Variants in ODAD2 observed in about 807,000 individuals in gnomAD.
ODAD2 encodes outer dynein arm docking complex subunit 2, also known as outer dynein arm-docking complex subunit 2.
Under a neutral mutation model 106.8 loss-of-function variants are expected in ODAD2, and 89 were observed. That is an observed-to-expected ratio of 0.83 (90% CI 0.70 to 0.99). The LOEUF (loss-of-function observed/expected upper bound fraction) is 0.99, where lower values mean the gene tolerates loss of function less well. Ranked by LOEUF, ODAD2 falls within the 50% of genes least tolerant of loss-of-function variation. The pLI is 0.00. For synonymous variants in ODAD2, 404 were observed against 436.2 expected (o/e 0.93, Z 0.92); for missense variants, 1,168 against 1,238.5 (o/e 0.94, Z 0.85).
In ODAD2 at chr10:27,981,523, G is replaced by A; in HGVS notation, c.879C>T (p.Asn293=). The A allele has an allele frequency of 6.5e-7, 1 of 1,536,358 alleles. No homozygotes were observed. The highest frequency in any genetic ancestry group is 8.7e-7 in the Non-Finnish European group (1 of 1,154,336). Residue 293 remains asparagine, a synonymous_variant, in exon 7 of 20, where the codon AAC becomes AAT. Transcript: ENST00000305242. ...NYERKGSIYK[N]LVTFLREKSP... ...ATTTTTCTCTTAAAAATGTGACAAGGTTTTTATAAATTGAACCTTTTCTCT... is the reference window on the plus strand; with the variant it reads ...ATTTTTCTCTTAAAAATGTGACAAGATTTTTATAAATTGAACCTTTTCTCT...
Position 27,941,837 on chromosome 10 carries a change from A to T in ODAD2, c.1744-1032T>A, listed in dbSNP as rs116644611. Among the ~76,000 whole-genome samples the T allele has an allele frequency of 3.6e-3, 542 of 152,204 alleles. 5 individuals are homozygous for T. Among genetic ancestry groups the T allele is most frequent in the African/African-American group, 0.012 (499 of 41,552 alleles). On this transcript the variant is annotated intron_variant, in intron 12 of 19. Coordinates refer to ENST00000305242, the MANE Select transcript of ODAD2 (RefSeq NM_018076.5). ...TCTGTCCCTGAAGGTCAACTTCCAC[A>T]GATACTGCCCGTAACCACCAATCTC... is the stretch of plus-strand genomic sequence containing the variant.
chr10:27,921,058 A>T (rs2133961128), intron 16 of ODAD2, among the ~76,000 whole-genome samples: 1 of 152,326 alleles, frequency 6.6e-6, no homozygotes, highest in Non-Finnish European at 1.5e-5. Flanking sequence ...GTGGAAGGAA[A>T]ATATTTTGTA....
chr10:27,828,158 T>C (rs942645061), intron 19 of ODAD2, among the ~76,000 whole-genome samples: 1 of 152,196 alleles, frequency 6.6e-6, no homozygotes, highest in African/African-American at 2.4e-5. Flanking sequence ...CTAGGGATCA[T>C]TGATAGGGAC....
In ODAD2 at chr10:27,998,950, C is replaced by T. The variant is rs1189044477; in HGVS notation, c.-39+44G>A. ...CCCGGGCGCCGCCGCCGCCGCCTTCCGCTCCCAGCCTCACCCGGCCGCGAC... is the reference window on the plus strand; with the variant it reads ...CCCGGGCGCCGCCGCCGCCGCCTTCTGCTCCCAGCCTCACCCGGCCGCGAC... On this transcript the variant is annotated intron_variant, in intron 1 of 19. Transcript: ENST00000305242. 5 of 148,974 alleles carry T rather than the reference C, an allele frequency of 3.4e-5. No individual in the cohort carries two copies. The East Asian group carries it at 5.8e-4, about 17-fold the overall frequency. 9.2% of individuals were successfully genotyped at this position (148,974 alleles called of 1,614,324 possible). A position where few individuals can be genotyped will look rare whatever the true frequency, so the allele number is the denominator to read the frequency against.
intron 19 of ODAD2, among the ~76,000 whole-genome samples, chr10:27,845,737 C>G (rs1017511105): frequency 6.6e-6 from 1 of 151,970 alleles, no homozygotes; most frequent in African/African-American, 2.4e-5. Context: ...ACCTACCAAG[C>G]AAATGGAAAA....
At chr10:27,852,875 C>T (rs967908071) in intron 19 of ODAD2, among the ~76,000 whole-genome samples, 61 of 148,714 alleles carry the variant, frequency 4.1e-4, no homozygotes, top group African/African-American at 1.5e-3. Flanking sequence ...GCAGGAGAAT[C>T]GCTTGAACCT....
chr10:27,841,869 C>G (rs1356543117), intron 19 of ODAD2, among the ~76,000 whole-genome samples: 1 of 151,444 alleles, frequency 6.6e-6, no homozygotes, highest in African/African-American at 2.4e-5. Flanking sequence ...ATCCTCCCAC[C>G]TGAGCCTCCT....
chr10:27,857,199 G>A (rs1421477472), intron 19 of ODAD2, among the ~76,000 whole-genome samples: 2 of 152,034 alleles, frequency 1.3e-5, no homozygotes, highest in East Asian at 3.9e-4. Flanking sequence ...AAGATGACAA[G>A]GATGAAGACC....
intron 12 of ODAD2, among the ~76,000 whole-genome samples, chr10:27,942,116 G>A (rs1006862502): frequency 1.3e-5 from 2 of 152,180 alleles, no homozygotes; most frequent in Non-Finnish European, 2.9e-5. Flanking sequence ...ATGCAGTATG[G>A]AAGTGCTCAG....
At chr10:27,978,624 C>T (rs180995889) in intron 7 of ODAD2, among the ~76,000 whole-genome samples, 23 of 151,958 alleles carry the variant, frequency 1.5e-4, no homozygotes, top group Admixed American at 8.5e-4. Context: ...AAAACCCCAT[C>T]TCTACTAAAA....
chr10:27,963,160 A>G (rs1848255188), intron 9 of ODAD2, among the ~76,000 whole-genome samples: 1 of 151,994 alleles, frequency 6.6e-6, no homozygotes, highest in Admixed American at 6.6e-5. Flanking sequence ...GGCATGCGCC[A>G]CCACATCTGG....
chr10:27,957,907 A>C (rs1280216100), intron 10 of ODAD2, among the ~76,000 whole-genome samples: 3 of 152,190 alleles, frequency 2.0e-5, no homozygotes, highest in Non-Finnish European at 2.9e-5. Flanking sequence ...AGTCAGGTCA[A>C]CATGAATATT....
intron 2 of ODAD2, among the ~76,000 whole-genome samples, chr10:27,992,452 G>A (rs1003292531): frequency 6.6e-6 from 1 of 152,172 alleles, no homozygotes; most frequent in Non-Finnish European, 1.5e-5. Flanking sequence ...AATTCAGGGG[G>A]CCAAGGTAGA....
chr10:27,995,546 G>C (rs753027491), intron 1 of ODAD2: 1 of 170,906 alleles, frequency 5.9e-6, no homozygotes, highest in African/African-American at 2.4e-5. Context: ...TCACAGCTCT[G>C]TTGGGAGCCA....
intron 2 of ODAD2, among the ~76,000 whole-genome samples, chr10:27,991,206 A>C (rs1361856464): frequency 6.6e-6 from 1 of 152,218 alleles, no homozygotes; most frequent in Non-Finnish European, 1.5e-5. Flanking sequence ...AAATGATAAT[A>C]CAAAGAGACC....
chr10:27,946,012 A>G (rs1044327398), intron 10 of ODAD2, among the ~76,000 whole-genome samples: 4 of 150,122 alleles, frequency 2.7e-5, no homozygotes, highest in East Asian at 1.9e-4. Flanking sequence ...TCTATTGTGT[A>G]TATATATATA....
At chr10:27,928,376 A>G (rs571139853) in intron 16 of ODAD2, among the ~76,000 whole-genome samples, 1 of 152,076 alleles carries the variant, frequency 6.6e-6, no homozygotes, top group Non-Finnish European at 1.5e-5. Flanking sequence ...TTATTACATT[A>G]TATTTTATAG....
chr10:27,851,146 G>A (rs1398157140), intron 19 of ODAD2, among the ~76,000 whole-genome samples: 1 of 152,128 alleles, frequency 6.6e-6, no homozygotes, highest in Non-Finnish European at 1.5e-5. Flanking sequence ...CTCCTGCAAG[G>A]GGAGGAACAG....
chr10:27,992,009 C>T (rs1463930823), intron 2 of ODAD2, among the ~76,000 whole-genome samples: 1 of 152,210 alleles, frequency 6.6e-6, no homozygotes, highest in Non-Finnish European at 1.5e-5. Flanking sequence ...ATCACTTGTT[C>T]TCATAGCAAA....
Sources: allele counts gnomAD v4.1 joint callset (sites outside exome capture counted in the v4.1 genomes callset), GRCh38; gene constraint gnomAD v4.1.1; transcripts MANE v1.5; gene names NCBI Gene and HGNC (gene_info 2026-07-23, HGNC 2026-07-21).